LYPD6: variants seen among roughly 807,000 people sequenced by gnomAD.
LYPD6 encodes LY6/PLAUR domain containing 6.
LYPD6 carries 15 observed loss-of-function variants against 22.7 expected under a neutral mutation model. The ratio of observed to expected loss-of-function variants is 0.66; its 90% CI spans 0.44 to 1.02. LYPD6 has a LOEUF of 1.02. LYPD6 is among the 50% of genes least tolerant of loss of function. LYPD6 has a pLI of 0.00. For synonymous variants in LYPD6, 72 were observed against 77.5 expected (o/e 0.93, Z 0.37); for missense variants, 189 against 208.4 (o/e 0.91, Z 0.57).
At chr2:149,416,896 G>A (rs1438392478) in intron 1 of LYPD6, among the ~76,000 whole-genome samples, 4 of 152,176 alleles carry the variant, frequency 2.6e-5, no homozygotes, top group Non-Finnish European at 5.9e-5. Flanking sequence ...TGAGTGGTGC[G>A]ATATGTGATA....
Position 149,468,651 on chromosome 2 carries a change from G to T in LYPD6, c.224G>T (p.Arg75Ile). 6.2e-7 allele frequency: 1 copy of T among 1,612,710 alleles called. No individual in the cohort carries two copies. The highest frequency in any genetic ancestry group is 2.2e-5 in the East Asian group (1 of 44,844). ...APDIYCPRETRYCYTQHTMEV... is the reference protein window; with the variant it reads ...APDIYCPRETIYCYTQHTMEV... ...ATATTTTCTCTGTTGACAGAGACCA[G>T]ATACTGCTACACTCAGCACACAATG... Residue 75 changes from arginine to isoleucine, a missense_variant, in exon 4 of 5, where the codon AGA (arginine) becomes ATA (isoleucine). Arg to Ile is a moderately conservative substitution (Grantham distance 97). Coordinates refer to ENST00000334166, the MANE Select transcript of LYPD6 (RefSeq NM_194317.5).
At chr2:149,412,733 G>A (rs1028586153) in intron 1 of LYPD6, among the ~76,000 whole-genome samples, 3 of 152,094 alleles carry the variant, frequency 2.0e-5, no homozygotes, top group African/African-American at 7.2e-5. Flanking sequence ...CCAAAGTACT[G>A]TGTCAACTTT....
At chr2:149,447,267 C>T (rs955309302) in intron 2 of LYPD6, among the ~76,000 whole-genome samples, 14 of 152,232 alleles carry the variant, frequency 9.2e-5, no homozygotes, top group African/African-American at 2.9e-4. Context: ...CTTGGGTGCC[C>T]GCGACAGCCT....
At chr2:149,355,805 A>T (rs1397226878) in intron 1 of LYPD6, among the ~76,000 whole-genome samples, 1 of 152,236 alleles carries the variant, frequency 6.6e-6, no homozygotes, top group East Asian at 1.9e-4. Flanking sequence ...TAAGCAGCAA[A>T]TACCTGGCTC....
chr2:149,435,586 A>C (rs6747387), intron 1 of LYPD6, among the ~76,000 whole-genome samples: 44,236 of 151,994 alleles, frequency 0.29, 8,319 homozygotes, highest in African/African-American at 0.54. Flanking sequence ...AGCACTGTTG[A>C]ATTCATTCAA....
At chr2:149,461,174 T>C (rs1188845452) in intron 3 of LYPD6, among the ~76,000 whole-genome samples, 1 of 151,928 alleles carries the variant, frequency 6.6e-6, no homozygotes, top group Non-Finnish European at 1.5e-5. Context: ...CTAAAACATT[T>C]CATTGTACAC....
At chr2:149,366,424 A>G (rs1681667181) in intron 1 of LYPD6, among the ~76,000 whole-genome samples, 1 of 152,220 alleles carries the variant, frequency 6.6e-6, no homozygotes, top group Non-Finnish European at 1.5e-5. Context: ...ACCCCTTGGC[A>G]GAGAAAGAAT....
At chr2:149,481,861 A>G in the LYPD6 span, among the ~76,000 whole-genome samples, 1 of 152,224 alleles carries the variant, frequency 6.6e-6, no homozygotes, top group Non-Finnish European at 1.5e-5. Flanking sequence ...TTTTATAATG[A>G]AAAACATAAA....
At chr2:149,406,794 T>G (rs1682722195) in intron 1 of LYPD6, among the ~76,000 whole-genome samples, 2 of 152,166 alleles carry the variant, frequency 1.3e-5, no homozygotes, top group African/African-American at 2.4e-5. Flanking sequence ...GCTGGTTATT[T>G]TGCTCGTTAG....
Position 149,403,800 on chromosome 2 carries a change from C to G in LYPD6, c.-71-33838C>G, listed in dbSNP as rs200028510. 2.6e-5 allele frequency among the ~76,000 whole-genome samples: 4 copies of G among 152,052 alleles called. No homozygotes were observed. The East Asian group carries it at 7.7e-4, about 29-fold the overall frequency. ...GCTTTTGGTGTTTTAGACATGAAGT[C>G]CTTGCCCCTGCCTATGTCCTGAATG... On this transcript the variant is annotated intron_variant, in intron 1 of 4. Transcript: ENST00000334166.
intron 4 of LYPD6, among the ~76,000 whole-genome samples, chr2:149,469,908 A>G (rs1196663): frequency 0.68 from 103,716 of 152,088 alleles, 37,666 homozygotes; most frequent in East Asian, 0.86. Context: ...CCCTGCAGGA[A>G]AATGACTGTA....
chr2:149,425,641 C>G (rs1683173969), intron 1 of LYPD6, among the ~76,000 whole-genome samples: 2 of 152,186 alleles, frequency 1.3e-5, no homozygotes, highest in African/African-American at 4.8e-5. Flanking sequence ...TTATTATATT[C>G]TGCTTTGCTA....
At chr2:149,394,475 T>C (rs1164221439) in intron 1 of LYPD6, among the ~76,000 whole-genome samples, 1 of 152,228 alleles carries the variant, frequency 6.6e-6, no homozygotes, top group Non-Finnish European at 1.5e-5. Context: ...TGGATATATT[T>C]TAAAACTAAA....
At chr2:149,351,213 G>A (rs1681351584) in intron 1 of LYPD6, among the ~76,000 whole-genome samples, 1 of 151,980 alleles carries the variant, frequency 6.6e-6, no homozygotes, top group Non-Finnish European at 1.5e-5. Flanking sequence ...GGCCAACATG[G>A]TGAAACCCTG....
intron 3 of LYPD6, among the ~76,000 whole-genome samples, chr2:149,457,819 TGA>T (rs572202420): frequency 6.6e-5 from 10 of 152,180 alleles, no homozygotes; most frequent in Non-Finnish European, 1.5e-4. Context: ...GAAGGGACTC[TGA>T]AAGGTGTAAA....
intron 1 of LYPD6, among the ~76,000 whole-genome samples, chr2:149,420,782 G>A (rs892172683): frequency 2.0e-5 from 3 of 152,182 alleles, no homozygotes; most frequent in South Asian, 2.1e-4. Context: ...CTGTGATTAT[G>A]CGGGACTGCT....
At chr2:149,351,702 G>T (rs1667292475) in intron 1 of LYPD6, among the ~76,000 whole-genome samples, 1 of 152,154 alleles carries the variant, frequency 6.6e-6, no homozygotes, top group African/African-American at 2.4e-5. Flanking sequence ...ATTAAAGAAA[G>T]GCATAGATAG....
intron 2 of LYPD6, among the ~76,000 whole-genome samples, chr2:149,443,225 G>T (rs2105156539): frequency 6.6e-6 from 1 of 152,250 alleles, no homozygotes; most frequent in Middle Eastern, 3.4e-3. Context: ...TAGTGTTAGG[G>T]TCTCAATAAG....
chr2:149,447,146 C>G (rs562189103), intron 2 of LYPD6, among the ~76,000 whole-genome samples: 7 of 152,258 alleles, frequency 4.6e-5, no homozygotes, highest in African/African-American at 1.7e-4. Context: ...AGTAGTGAAG[C>G]AAGCAAATGA....
Sources: allele counts gnomAD v4.1 joint callset (sites outside exome capture counted in the v4.1 genomes callset), GRCh38; gene constraint gnomAD v4.1.1; transcripts MANE v1.5; gene names NCBI Gene and HGNC (gene_info 2026-07-23, HGNC 2026-07-21).